Variants in GALNT13 observed in about 807,000 individuals in gnomAD.
GALNT13 encodes UDP-GalNAc:polypeptide N-acetylgalactosaminyltransferase 13.
In GALNT13, 28 loss-of-function variants were observed where a neutral mutation model predicts 64.2. That is an observed-to-expected ratio of 0.44 (90% CI 0.32 to 0.60). The LOEUF (loss-of-function observed/expected upper bound fraction) is 0.60, where lower values mean the gene tolerates loss of function less well. Ranked by LOEUF, GALNT13 falls within the 20% of genes least tolerant of loss-of-function variation. The pLI is 0.05. For synonymous variants in GALNT13, 214 were observed against 224.6 expected (o/e 0.95, Z 0.42); for missense variants, 577 against 669.8 (o/e 0.86, Z 1.53).
At chr2:153,419,255 G>A in the GALNT13 span, among the ~76,000 whole-genome samples, 8 of 152,152 alleles carry the variant, frequency 5.3e-5, no homozygotes, top group Admixed American at 5.2e-4. Flanking sequence ...TAGATCTTGT[G>A]AGAACTCAAT....
In GALNT13 at chr2:153,909,524, G is replaced by A. The variant is rs140576790; in HGVS notation, c.-105+8517G>A. The stretch of plus-strand genomic sequence containing the variant: ...TCCTTGTCTTGTGTGGCTTTTCAAG[G>A]GTAATGCTTTTGCCCATTTATGTGA... On this transcript the variant is annotated intron_variant, in intron 2 of 12. Transcript: ENST00000392825. Among the ~76,000 whole-genome samples the A allele has an allele frequency of 4.6e-3, 695 of 151,790 alleles. 12 individuals are homozygous for A. Among genetic ancestry groups the A allele is most frequent in the African/African-American group, 0.016 (671 of 41,456 alleles).
intron 7 of GALNT13, chr2:154,257,545 G>A (rs1382672923): frequency 6.6e-6 from 1 of 152,106 alleles, no homozygotes; most frequent in Non-Finnish European, 1.5e-5. Context: ...AGCTTTGTTA[G>A]TGTTTCTCAT....
the GALNT13 span, chr2:153,478,628 G>A: frequency 7.5e-7 from 1 of 1,338,790 alleles, no homozygotes; most frequent in Non-Finnish European, 1.0e-6. Context: ...GGCGGCGCTG[G>A]AGGAACAGGT....
At chr2:153,288,124 AG>A in the GALNT13 span, among the ~76,000 whole-genome samples, 1 of 152,212 alleles carries the variant, frequency 6.6e-6, no homozygotes, top group Non-Finnish European at 1.5e-5. Flanking sequence ...TTCTACTTCT[AG>A]AATGGATCCT....
At chr2:154,074,224 T>A (rs1242300944) in intron 3 of GALNT13, among the ~76,000 whole-genome samples, 1 of 151,830 alleles carries the variant, frequency 6.6e-6, no homozygotes, top group Non-Finnish European at 1.5e-5. Context: ...TTGAAAATCA[T>A]AGTATAAGGT....
intron 9 of GALNT13, among the ~76,000 whole-genome samples, chr2:154,319,476 G>A (rs1008814689): frequency 7.2e-5 from 11 of 151,930 alleles, no homozygotes; most frequent in Admixed American, 1.3e-4. Flanking sequence ...GACCAGCCTG[G>A]GCAACGTGGT....
intron 11 of GALNT13, chr2:154,409,411 C>T (rs1468539060): frequency 4.0e-6 from 1 of 247,964 alleles, no homozygotes; most frequent in Non-Finnish European, 7.8e-6. Flanking sequence ...AATTCCTCAA[C>T]ATCTGTGATG....
At chr2:153,945,829 A>G (rs1048834402) in intron 3 of GALNT13, among the ~76,000 whole-genome samples, 1 of 152,148 alleles carries the variant, frequency 6.6e-6, no homozygotes, top group Non-Finnish European at 1.5e-5. Context: ...ACTCTTGTTC[A>G]TTTAGAGAAA....
intron 9 of GALNT13, among the ~76,000 whole-genome samples, chr2:154,388,614 C>T (rs1371450424): frequency 6.6e-6 from 1 of 152,006 alleles, no homozygotes; most frequent in Non-Finnish European, 1.5e-5. Context: ...TGTGGATCTC[C>T]AGCTTTCCCA....
At chr2:153,468,442 C>T in the GALNT13 span, among the ~76,000 whole-genome samples, 2 of 152,086 alleles carry the variant, frequency 1.3e-5, no homozygotes, top group East Asian at 1.9e-4. Flanking sequence ...TACTGAGGCA[C>T]ACCATCTCAT....
chr2:154,153,689 T>C lies in GALNT13; in HGVS notation c.311+13184T>C, dbSNP rs1272862207. 1.2e-4 allele frequency among the ~76,000 whole-genome samples: 18 copies of C among 152,290 alleles called. No homozygotes were observed. In the East Asian group the frequency reaches 3.3e-3, roughly 28 times the overall value. On this transcript the variant is annotated intron_variant, in intron 4 of 12. Transcript: ENST00000392825. ...ACTTTGCAGTTTGATCTCAGACTGC[T>C]GTGCTAGCAATCAGCGAGACTCCAT...
intron 2 of GALNT13, among the ~76,000 whole-genome samples, chr2:153,922,017 A>G (rs1372949302): frequency 6.6e-6 from 1 of 151,934 alleles, no homozygotes; most frequent in Admixed American, 6.6e-5. Flanking sequence ...TTAAAATGAC[A>G]TATAGAAAAA....
chr2:153,704,247 T>G, the GALNT13 span, among the ~76,000 whole-genome samples: 1 of 152,158 alleles, frequency 6.6e-6, no homozygotes, highest in African/African-American at 2.4e-5. Flanking sequence ...GTTGGTCCAA[T>G]TACAAAAATG....
intron 8 of GALNT13, among the ~76,000 whole-genome samples, chr2:154,262,545 T>G (rs1690756388): frequency 6.6e-6 from 1 of 152,190 alleles, no homozygotes; most frequent in Non-Finnish European, 1.5e-5. Context: ...TTCTCCCTAC[T>G]GCATTACACA....
At chr2:153,944,161 T>G (rs1574170752) in intron 2 of GALNT13, among the ~76,000 whole-genome samples, 1 of 152,136 alleles carries the variant, frequency 6.6e-6, no homozygotes, top group South Asian at 2.1e-4. Flanking sequence ...AGGAATCAAG[T>G]AGTTTGTCAA....
chr2:154,045,842 C>A (rs1435079981), intron 3 of GALNT13, among the ~76,000 whole-genome samples: 1 of 152,238 alleles, frequency 6.6e-6, no homozygotes, highest in Non-Finnish European at 1.5e-5. Flanking sequence ...ACTTACTCTT[C>A]TTCTCACTCA....
chr2:153,222,928 C>G, the GALNT13 span, among the ~76,000 whole-genome samples: 1 of 152,034 alleles, frequency 6.6e-6, no homozygotes, highest in African/African-American at 2.4e-5. Flanking sequence ...TGGGAAACTG[C>G]AGCTGCGCGC....
At chr2:153,080,141 G>A in the GALNT13 span, among the ~76,000 whole-genome samples, 1 of 151,848 alleles carries the variant, frequency 6.6e-6, no homozygotes, top group African/African-American at 2.4e-5. Context: ...TTTGCATTAG[G>A]TTAGCATTGG....
intron 3 of GALNT13, among the ~76,000 whole-genome samples, chr2:153,993,675 G>A (rs187861320): frequency 0.083 from 10,036 of 121,300 alleles, 421 homozygotes; most frequent in Middle Eastern, 0.22. Context: ...CAGCCTGGGC[G>A]ACAGAGCAAG....
Sources: allele counts gnomAD v4.1 joint callset (sites outside exome capture counted in the v4.1 genomes callset), GRCh38; gene constraint gnomAD v4.1.1; transcripts MANE v1.5; gene names NCBI Gene and HGNC (gene_info 2026-07-23, HGNC 2026-07-21).